CDK8: variants seen among roughly 807,000 people sequenced by gnomAD.
The protein encoded by CDK8 is cyclin-dependent kinase 8.
In CDK8, 29 loss-of-function variants were observed where a neutral mutation model predicts 71.5. That is an observed-to-expected ratio of 0.41 (90% CI 0.30 to 0.55). CDK8 has a LOEUF of 0.55. CDK8 is among the 20% of genes least tolerant of loss of function. CDK8 has a pLI of 0.37. For missense variants in CDK8, 288 were observed against 572.6 expected, an observed-to-expected ratio of 0.50 and a Z score of 5.07; for synonymous variants, 161 against 192.1, an observed-to-expected ratio of 0.84 and a Z score of 1.34.
chr13:26,303,485 A>G (rs975802436), intron 1 of CDK8, among the ~76,000 whole-genome samples: 1 of 151,968 alleles, frequency 6.6e-6, no homozygotes, highest in Admixed American at 6.6e-5. Flanking sequence ...ATTTTTTGGT[A>G]AAGACGGGGT....
intron 2 of CDK8, among the ~76,000 whole-genome samples, chr13:26,339,115 C>G (rs1217038476): frequency 6.6e-6 from 1 of 151,990 alleles, no homozygotes; most frequent in Non-Finnish European, 1.5e-5. Context: ...CTAAGATGAA[C>G]AGAAATGTTT....
At chr13:26,349,420 T>TC (rs1254613675) in intron 3 of CDK8, among the ~76,000 whole-genome samples, 8 of 152,196 alleles carry the variant, frequency 5.3e-5, no homozygotes, top group African/African-American at 1.9e-4. Flanking sequence ...TAAAGAGTGT[T>TC]CAACAACTAT....
At chr13:26,393,618 G>T in intron 7 of CDK8, 108 bp downstream of exon 7, 1 of 1,117,390 alleles carries the variant, frequency 8.9e-7, no homozygotes, top group Non-Finnish European at 1.3e-6. Flanking sequence ...ACTTTTACTT[G>T]AGTCTTTGTT....
rs377745371 is a variant in CDK8, at chr13:26,321,898, C to A, written c.129-15669C>A. On this transcript the variant is annotated intron_variant, in intron 1 of 12. Coordinates refer to ENST00000381527, the MANE Select transcript of CDK8 (RefSeq NM_001260.3). ...GTATAGAAAGACCATATATGAATAC[C>A]CTATTATACATACTTAGAGACATGT... Among the ~76,000 whole-genome samples the A allele has an allele frequency of 9.9e-5, 15 of 151,578 alleles. 1 individual carries two copies. The East Asian group carries it at 2.7e-3, about 27-fold the overall frequency.
chr13:26,314,930 C>A (rs1874440359), intron 1 of CDK8, among the ~76,000 whole-genome samples: 1 of 151,954 alleles, frequency 6.6e-6, no homozygotes. Flanking sequence ...TATAAAAAAT[C>A]AATTTAATAT....
chr13:26,306,715 G>A (rs964708095), intron 1 of CDK8, among the ~76,000 whole-genome samples: 4 of 147,278 alleles, frequency 2.7e-5, no homozygotes, highest in African/African-American at 7.6e-5. Flanking sequence ...TGTAGCCTCC[G>A]CCTCCTGGGT....
chr13:26,288,515 T>A (rs180876507), intron 1 of CDK8, among the ~76,000 whole-genome samples: 6 of 152,142 alleles, frequency 3.9e-5, no homozygotes, highest in Admixed American at 6.5e-5. Flanking sequence ...TCCAATTTGT[T>A]ATTTAAAATC....
At chr13:26,368,932 T>C (rs1189548079) in intron 4 of CDK8, among the ~76,000 whole-genome samples, 5 of 152,208 alleles carry the variant, frequency 3.3e-5, no homozygotes, top group Non-Finnish European at 7.3e-5. Flanking sequence ...ACCAACACAC[T>C]GTCATGATGT....
intron 4 of CDK8, among the ~76,000 whole-genome samples, chr13:26,369,246 AC>A (rs1234053074): frequency 6.6e-6 from 1 of 151,346 alleles, no homozygotes; most frequent in Non-Finnish European, 1.5e-5. Flanking sequence ...GGAGTTCAAG[AC>A]CAGCCTGGAC....
At chr13:26,255,285 T>A (rs764338710) in intron 1 of CDK8, among the ~76,000 whole-genome samples, 1 of 152,130 alleles carries the variant, frequency 6.6e-6, no homozygotes, top group African/African-American at 2.4e-5. Context: ...CTGGAGAGAG[T>A]TCCCCATAGT....
rs746239579 is a variant in CDK8, at chr13:26,393,352, C to A, written c.647-15C>A. On this transcript the variant is annotated splice_polypyrimidine_tract_variant and intron_variant, in intron 6 of 12. Coordinates refer to ENST00000381527, the MANE Select transcript of CDK8 (RefSeq NM_001260.3). Reference sequence around the variant, plus strand: ...CCTATTTTTCTTTCTTTTTTTTTTTCTTTTTGTTTTAAAGATATTTGGGCT... The same window carrying A: ...CCTATTTTTCTTTCTTTTTTTTTTTATTTTTGTTTTAAAGATATTTGGGCT... 13 of 1,215,832 alleles carry A rather than the reference C, an allele frequency of 1.1e-5. No individual in the cohort carries two copies. Among genetic ancestry groups the A allele is most frequent in the Non-Finnish European group, 1.4e-5 (13 of 928,454 alleles). The allele number at this position is 1,215,832 out of a possible 1,614,324, so 75.3% of individuals were successfully genotyped here. A position where few individuals can be genotyped will look rare whatever the true frequency, so the allele number is the denominator to read the frequency against.
intron 1 of CDK8, among the ~76,000 whole-genome samples, chr13:26,288,637 G>A (rs1873142234): frequency 6.6e-6 from 1 of 151,634 alleles, no homozygotes; most frequent in South Asian, 2.1e-4. Flanking sequence ...TTTGCTTGGG[G>A]TTGCTTTGAA....
intron 1 of CDK8, among the ~76,000 whole-genome samples, chr13:26,280,111 A>G (rs543902514): frequency 6.6e-6 from 1 of 152,326 alleles, no homozygotes; most frequent in South Asian, 2.1e-4. Flanking sequence ...TTTTCAAAAC[A>G]TGATTTTTAA....
intron 10 of CDK8, among the ~76,000 whole-genome samples, chr13:26,400,986 G>A (rs374499435): frequency 5.3e-5 from 8 of 152,198 alleles, no homozygotes; most frequent in African/African-American, 1.9e-4. Context: ...TCTATATTTG[G>A]TCTGTATTAA....
intron 3 of CDK8, among the ~76,000 whole-genome samples, chr13:26,352,314 C>G (rs1873714352): frequency 6.6e-6 from 1 of 152,200 alleles, no homozygotes; most frequent in Admixed American, 6.5e-5. Context: ...CTTCCAGGTT[C>G]ACGCCATTCT....
At position 26,375,887 on chromosome 13, in the gene CDK8, A is replaced by G. The variant is rs376590019; in HGVS notation, c.457-6927A>G. Among the ~76,000 whole-genome samples, 9 of 152,192 alleles carry G rather than the reference A, an allele frequency of 5.9e-5. No individual in the cohort carries two copies. The East Asian group carries it at 1.7e-3, about 29-fold the overall frequency. On this transcript the variant is annotated intron_variant, in intron 4 of 12. Transcript: ENST00000381527. ...ACTTTTGAGATTTTATCCCAAGGAA[A>G]TTATATGGTGCATGTATCAGGGCTT...
Position 26,367,859 on chromosome 13 carries a change from T to C in CDK8, c.456+13979T>C, listed in dbSNP as rs893282762. ...ATAAAGCACAATTGGCAATTGGTCC[T>C]TATCATCTGCCTGGTATCTTTTTCT... On this transcript the variant is annotated intron_variant, in intron 4 of 12. Coordinates refer to ENST00000381527, the MANE Select transcript of CDK8 (RefSeq NM_001260.3). Among the ~76,000 whole-genome samples the C allele has an allele frequency of 3.9e-5, 6 of 152,210 alleles. No homozygotes were observed. The East Asian group carries it at 1.2e-3, about 29-fold the overall frequency.
chr13:26,401,370 C>T lies in CDK8; in HGVS notation c.1110+23C>T, dbSNP rs2138075153. 6.2e-7 allele frequency: 1 copy of T among 1,610,990 alleles called. No individual in the cohort carries two copies. The highest frequency in any genetic ancestry group is 8.5e-7 in the Non-Finnish European group (1 of 1,177,328). On this transcript the variant is annotated intron_variant, in intron 11 of 12. Coordinates refer to ENST00000381527, the MANE Select transcript of CDK8 (RefSeq NM_001260.3). The surrounding 1 kb of genome is among the most constrained non-coding windows in gnomAD (Gnocchi z 4.5). Reference sequence around the variant, plus strand: ...AAAGTAAGTATTAAAGTACTGTTAGCAGCTTCTTGTTTCGTGAATGCCTCC... The same window carrying T: ...AAAGTAAGTATTAAAGTACTGTTAGTAGCTTCTTGTTTCGTGAATGCCTCC...
At chr13:26,334,679 G>A (rs562337204) in intron 1 of CDK8, among the ~76,000 whole-genome samples, 44 of 152,042 alleles carry the variant, frequency 2.9e-4, no homozygotes, top group Admixed American at 9.2e-4. Flanking sequence ...CAAAGATAAA[G>A]CAATGTTACG....
Sources: gnomAD v4.1 joint callset for allele counts (sites outside exome capture counted in the v4.1 genomes callset) on GRCh38, gnomAD v4.1.1 for gene constraint, Gnocchi (gnomAD v3.1) non-coding constraint, MANE v1.5 for transcripts, NCBI Gene and HGNC (gene_info 2026-07-23, HGNC 2026-07-21) for gene names.